Variants in TANGO6 observed in about 807,000 individuals in gnomAD.
TANGO6 encodes transport and golgi organization 6 homolog, also known as transport and Golgi organization protein 6 homolog.
In TANGO6, 90 loss-of-function variants were observed where a neutral mutation model predicts 114.2. The ratio of observed to expected loss-of-function variants is 0.79; its 90% CI spans 0.66 to 0.94. TANGO6 has a LOEUF of 0.94. TANGO6 is among the 40% of genes least tolerant of loss of function. The pLI is 0.00. For missense variants in TANGO6, 1,274 were observed against 1,315.3 expected, an observed-to-expected ratio of 0.97 and a Z score of 0.49; for synonymous variants, 477 against 509.8, an observed-to-expected ratio of 0.94 and a Z score of 0.87.
At chr16:68,910,342 G>C (rs536533018) in intron 11 of TANGO6, among the ~76,000 whole-genome samples, 1 of 152,222 alleles carries the variant, frequency 6.6e-6, no homozygotes, top group East Asian at 1.9e-4. Flanking sequence ...TATTCTTTCA[G>C]TTCACTGACC....
intron 17 of TANGO6, among the ~76,000 whole-genome samples, chr16:69,080,072 C>T (rs764161383): frequency 2.0e-5 from 3 of 152,024 alleles, no homozygotes; most frequent in Admixed American, 6.6e-5. Flanking sequence ...ATGTTTATTG[C>T]AGCAATATTT....
intron 17 of TANGO6, among the ~76,000 whole-genome samples, chr16:69,063,644 A>C (rs1201520802): frequency 2.0e-5 from 1 of 49,206 alleles, no homozygotes; most frequent in Non-Finnish European, 4.7e-5. Flanking sequence ...CTCCATCTCC[A>C]AAAAAAAAAA....
intron 17 of TANGO6, among the ~76,000 whole-genome samples, chr16:69,078,651 C>A (rs530075661): frequency 7.2e-5 from 11 of 152,330 alleles, no homozygotes; most frequent in Non-Finnish European, 1.2e-4. Flanking sequence ...CTTTTAAAGG[C>A]AAGATCTAGA....
chr16:68,958,534 GGAGA>G (rs967126002), intron 14 of TANGO6, among the ~76,000 whole-genome samples: 2 of 150,528 alleles, frequency 1.3e-5, no homozygotes, highest in Non-Finnish European at 3.0e-5. Context: ...AGCAGGGGAG[GGAGA>G]GAGAGAGGGA....
chr16:69,080,984 A>G (rs963419121), intron 17 of TANGO6, among the ~76,000 whole-genome samples: 1 of 151,988 alleles, frequency 6.6e-6, no homozygotes, highest in African/African-American at 2.4e-5. Flanking sequence ...TAAAAATACA[A>G]AAAATTAGCC....
intron 7 of TANGO6, among the ~76,000 whole-genome samples, chr16:68,881,028 A>G (rs1182959471): frequency 1.3e-5 from 2 of 152,174 alleles, no homozygotes; most frequent in South Asian, 2.1e-4. Flanking sequence ...GGCTCAAGCT[A>G]TCCTCTTGCC....
chr16:68,956,095 G>C (rs929151320), intron 14 of TANGO6, among the ~76,000 whole-genome samples: 4 of 152,166 alleles, frequency 2.6e-5, no homozygotes, highest in Non-Finnish European at 4.4e-5. Flanking sequence ...AGGTTGCAGT[G>C]GGCTGAGATT....
At chr16:69,017,755 T>G (rs1466671289) in intron 15 of TANGO6, among the ~76,000 whole-genome samples, 1 of 152,182 alleles carries the variant, frequency 6.6e-6, no homozygotes, top group Non-Finnish European at 1.5e-5. Flanking sequence ...CTCTGCTGGT[T>G]GGCAGCAGGG....
chr16:69,039,430 G>T (rs1959740433), intron 16 of TANGO6, among the ~76,000 whole-genome samples: 1 of 151,990 alleles, frequency 6.6e-6, no homozygotes, highest in Non-Finnish European at 1.5e-5. Context: ...AAGCCCAGGG[G>T]TTCAAGACCA....
At chr16:69,008,308 A>T (rs1367927388) in intron 15 of TANGO6, among the ~76,000 whole-genome samples, 1 of 152,204 alleles carries the variant, frequency 6.6e-6, no homozygotes, top group Admixed American at 6.5e-5. Context: ...GATGAAGTCC[A>T]AAGTATGCAT....
At chr16:68,974,239 T>C in intron 15 of TANGO6, 71 bp downstream of exon 15, 1 of 1,579,932 alleles carries the variant, frequency 6.3e-7, no homozygotes, top group Non-Finnish European at 8.7e-7. Context: ...AAAATGTGTG[T>C]ACCTGGGGGC....
chr16:68,874,681 G>A (rs1165562557), intron 4 of TANGO6, among the ~76,000 whole-genome samples: 1 of 152,170 alleles, frequency 6.6e-6, no homozygotes. Flanking sequence ...AGGCGCGGTG[G>A]CTCATGCCTG....
intron 17 of TANGO6, among the ~76,000 whole-genome samples, chr16:69,072,295 A>T (rs927865666): frequency 1.3e-5 from 2 of 152,112 alleles, no homozygotes; most frequent in African/African-American, 2.4e-5. Context: ...TGTTTCAACC[A>T]CTGACTGCAA....
intron 15 of TANGO6, among the ~76,000 whole-genome samples, chr16:68,978,558 T>A (rs768095470): frequency 3.3e-5 from 5 of 152,178 alleles, no homozygotes; most frequent in Non-Finnish European, 5.9e-5. Flanking sequence ...ATCCTTTGAA[T>A]AACATTAAAG....
At chr16:68,857,042 GA>G (rs1241688218) in intron 1 of TANGO6, among the ~76,000 whole-genome samples, 2 of 152,242 alleles carry the variant, frequency 1.3e-5, no homozygotes, top group Non-Finnish European at 2.9e-5. Flanking sequence ...CCAGGAGGCG[GA>G]GTTTGCAGTG....
intron 17 of TANGO6, among the ~76,000 whole-genome samples, chr16:69,063,237 A>C (rs1423451147): frequency 1.4e-5 from 2 of 141,660 alleles, no homozygotes; most frequent in African/African-American, 2.6e-5. Context: ...AAAAAAAAAA[A>C]CACTGGGGCC....
At chr16:68,853,876 A>G (rs575005989) in intron 1 of TANGO6, among the ~76,000 whole-genome samples, 13 of 152,254 alleles carry the variant, frequency 8.5e-5, no homozygotes, top group African/African-American at 2.9e-4. Flanking sequence ...TTCCCTAATA[A>G]TTAATGATAT....
At chr16:69,063,808 C>CTTCTTATTATTA (rs56983779) in intron 17 of TANGO6, among the ~76,000 whole-genome samples, 45 of 125,574 alleles carry the variant, frequency 3.6e-4, no homozygotes, top group East Asian at 4.5e-4. Flanking sequence ...TCTTCTTCTT[C>CTTCTTATTATTA]TTATTATTAT....
chr16:68,867,301 A>G (rs893717563), intron 4 of TANGO6, 81 bp downstream of exon 4: 1 of 1,569,598 alleles, frequency 6.4e-7, no homozygotes, highest in Non-Finnish European at 8.7e-7. Flanking sequence ...GGTCTTTAGT[A>G]TTTACCTTTA....
Sources: allele counts gnomAD v4.1 joint callset (sites outside exome capture counted in the v4.1 genomes callset), GRCh38; gene constraint gnomAD v4.1.1; transcripts MANE v1.5; gene names NCBI Gene and HGNC (gene_info 2026-07-23, HGNC 2026-07-21).